The following PLEKHG1 variants were observed in gnomAD, a reference collection of about 807,000 sequenced individuals.
The protein encoded by PLEKHG1 is pleckstrin homology and RhoGEF domain containing G1, also known as pleckstrin homology domain-containing family G member 1.
A neutral mutation model predicts 100.8 loss-of-function variants in PLEKHG1; 44 were observed. That is an observed-to-expected ratio of 0.44 (90% CI 0.34 to 0.56). The LOEUF is 0.56. PLEKHG1 is among the 20% of genes least tolerant of loss of function. PLEKHG1 has a pLI of 0.01. For missense variants in PLEKHG1, 1,545 were observed against 1,720.9 expected (o/e 0.90, Z 1.81); for synonymous variants, 640 against 662.5 (o/e 0.97, Z 0.52).
chr6:150,680,345 G>A (rs1315759928), intron 3 of PLEKHG1, among the ~76,000 whole-genome samples: 1 of 152,220 alleles, frequency 6.6e-6, no homozygotes, highest in Non-Finnish European at 1.5e-5. Context: ...GAAATTTCTG[G>A]TTTGCAGAAC....
intron 2 of PLEKHG1, among the ~76,000 whole-genome samples, chr6:150,760,244 C>T (rs961454263): frequency 2.0e-5 from 3 of 152,214 alleles, no homozygotes; most frequent in African/African-American, 4.8e-5. Flanking sequence ...CATTCCTCCA[C>T]CACCTCACCA....
intron 3 of PLEKHG1, among the ~76,000 whole-genome samples, chr6:150,785,968 G>A (rs903703253): frequency 3.9e-5 from 6 of 151,906 alleles, no homozygotes; most frequent in African/African-American, 1.2e-4. Flanking sequence ...TGTCTTCCAC[G>A]AAACTGATCC....
intron 2 of PLEKHG1, among the ~76,000 whole-genome samples, chr6:150,762,337 C>A (rs897329328): frequency 6.6e-6 from 1 of 150,672 alleles, no homozygotes; most frequent in South Asian, 2.1e-4. Context: ...TTACAGGTGC[C>A]CGCCACCAAG....
At chr6:150,800,338 C>T (rs1054481709) in intron 5 of PLEKHG1, among the ~76,000 whole-genome samples, 14 of 152,156 alleles carry the variant, frequency 9.2e-5, no homozygotes, top group Admixed American at 2.6e-4. Flanking sequence ...TAATCTAACG[C>T]GTGGAAATGG....
upstream of PLEKHG1, among the ~76,000 whole-genome samples, chr6:150,719,578 C>T (rs2128608560): frequency 6.6e-6 from 1 of 152,290 alleles, no homozygotes; most frequent in Admixed American, 6.5e-5. Flanking sequence ...TAATAAACAG[C>T]TGTTAAAGTA....
chr6:150,643,944 A>T (rs550846322), intron 2 of PLEKHG1, among the ~76,000 whole-genome samples: 63 of 152,304 alleles, frequency 4.1e-4, no homozygotes, highest in African/African-American at 1.5e-3. Context: ...GCAAATATCA[A>T]ATTAGAAATT....
intron 1 of PLEKHG1, among the ~76,000 whole-genome samples, chr6:150,609,647 G>A (rs920856450): frequency 6.6e-6 from 1 of 152,072 alleles, no homozygotes; most frequent in Non-Finnish European, 1.5e-5. Flanking sequence ...TTGAAGCAGG[G>A]GAGTAACATA....
intron 1 of PLEKHG1, among the ~76,000 whole-genome samples, chr6:150,614,635 C>T (rs62434060): frequency 0.074 from 11,319 of 152,156 alleles, 532 homozygotes; most frequent in Non-Finnish European, 0.1. Flanking sequence ...TCAACAGTGT[C>T]ATCTCCCCAG....
At chr6:150,733,593 A>G (rs1230630711) in exon 2 of PLEKHG1, 1 of 1,610,500 alleles carries the variant, frequency 6.2e-7, no homozygotes, top group Non-Finnish European at 8.5e-7. Flanking sequence ...GATGGGCACC[A>G]GTTGCGTCTT....
chr6:150,651,566 C>T (rs1329841092), intron 3 of PLEKHG1, among the ~76,000 whole-genome samples: 1 of 152,076 alleles, frequency 6.6e-6, no homozygotes, highest in Non-Finnish European at 1.5e-5. Context: ...AAAAACTATT[C>T]TCAGTCTTTA....
At chr6:150,711,091 T>G (rs1341061842) in intron 3 of PLEKHG1, among the ~76,000 whole-genome samples, 2 of 152,204 alleles carry the variant, frequency 1.3e-5, no homozygotes, top group Non-Finnish European at 2.9e-5. Flanking sequence ...CCAGAGGATG[T>G]TCTCCAAAAA....
chr6:150,715,832 G>A (rs1490302002), intron 3 of PLEKHG1, among the ~76,000 whole-genome samples: 1 of 149,334 alleles, frequency 6.7e-6, no homozygotes, highest in African/African-American at 2.4e-5. Context: ...GCCGCGGCCG[G>A]GCGCGGTGGC....
At chr6:150,630,875 C>G (rs977315990) in intron 1 of PLEKHG1, among the ~76,000 whole-genome samples, 9 of 152,104 alleles carry the variant, frequency 5.9e-5, no homozygotes, top group Admixed American at 1.3e-4. Flanking sequence ...GGAAGGAAAG[C>G]CAGGAGCCCA....
At position 150,691,652 on chromosome 6, in the gene PLEKHG1, A is replaced by G. The variant is rs185209275; in HGVS notation, c.-99+40866A>G. On this transcript the variant is annotated intron_variant, in intron 3 of 3. Transcript: ENST00000367326. ...GAGCAATTTTTAAGATTTTTTCTAA[A>G]CCACCATTTCCGTCATTATGTCAGC... 2.8e-4 allele frequency among the ~76,000 whole-genome samples: 43 copies of G among 152,286 alleles called. 1 individual carries two copies. The East Asian group carries it at 8.3e-3, about 29-fold the overall frequency.
chr6:150,628,389 A>G (rs1344615392), intron 1 of PLEKHG1, among the ~76,000 whole-genome samples: 1 of 152,082 alleles, frequency 6.6e-6, no homozygotes, highest in Non-Finnish European at 1.5e-5. Context: ...AAACCCCTTC[A>G]CTGTAAGAAG....
chr6:150,603,263 A>T (rs1308399538), intron 1 of PLEKHG1, among the ~76,000 whole-genome samples: 1 of 152,158 alleles, frequency 6.6e-6, no homozygotes, highest in Non-Finnish European at 1.5e-5. Context: ...GGCATCTCAG[A>T]TATTAATGTT....
intron 1 of PLEKHG1, among the ~76,000 whole-genome samples, chr6:150,621,233 G>A (rs978890744): frequency 9.9e-5 from 15 of 152,140 alleles, no homozygotes; most frequent in African/African-American, 2.4e-4. Flanking sequence ...CAAGAAGGCC[G>A]TGTTCCAGAG....
intron 2 of PLEKHG1, among the ~76,000 whole-genome samples, chr6:150,762,695 G>C (rs971664240): frequency 2.8e-4 from 42 of 152,220 alleles, no homozygotes; most frequent in Non-Finnish European, 2.2e-4. Context: ...TAATGCAGTG[G>C]CCGGAGACCA....
intron 2 of PLEKHG1, among the ~76,000 whole-genome samples, chr6:150,750,764 G>GT (rs1783466249): frequency 9.5e-6 from 1 of 105,354 alleles, no homozygotes; most frequent in Non-Finnish European, 1.7e-5. Flanking sequence ...CTGGGCGACA[G>GT]AGCGAGACTC....
Sources: gnomAD v4.1 joint callset for allele counts (sites outside exome capture counted in the v4.1 genomes callset) on GRCh38, gnomAD v4.1.1 for gene constraint, MANE v1.5 for transcripts, NCBI Gene and HGNC (gene_info 2026-07-23, HGNC 2026-07-21) for gene names.